Variants in RALY observed in about 807,000 individuals in gnomAD.
The protein encoded by RALY is RALY heterogeneous nuclear ribonucleoprotein.
A neutral mutation model predicts 30.7 loss-of-function variants in RALY; 15 were observed. The ratio of observed to expected loss-of-function variants is 0.49; its 90% confidence interval spans 0.33 to 0.75. The LOEUF is 0.75. Among genes scored for constraint, RALY ranks in the 30% least tolerant of loss-of-function variants. The probability of loss-of-function intolerance (pLI) is 0.02; values close to 1 mark genes in which losing one functional copy is unlikely to be tolerated. For missense variants in RALY, 339 were observed against 414.3 expected (o/e 0.82, Z 1.58); for synonymous variants, 177 against 170.8 (o/e 1.04, Z -0.28).
intron 1 of RALY, among the ~76,000 whole-genome samples, chr20:34,012,756 C>T (rs2031455813): frequency 6.6e-6 from 1 of 152,360 alleles, no homozygotes; most frequent in African/African-American, 2.4e-5. Context: ...CTGGCCTTGG[C>T]CGCAAGGCTC....
chr20:34,076,157 G>A, intron 6 of RALY, 117 bp downstream of exon 6: 1 of 1,246,326 alleles, frequency 8.0e-7, no homozygotes, highest in Non-Finnish European at 1.1e-6. Context: ...CAGTTCTGCT[G>A]CTCTAACACA....
intron 1 of RALY, among the ~76,000 whole-genome samples, chr20:34,013,842 C>G (rs952099321): frequency 6.6e-6 from 1 of 152,092 alleles, no homozygotes; most frequent in African/African-American, 2.4e-5. Flanking sequence ...ATAGTACTTA[C>G]AAAATGAATG....
chr20:34,009,970 A>G (rs1384701223), intron 1 of RALY, among the ~76,000 whole-genome samples: 1 of 152,126 alleles, frequency 6.6e-6, no homozygotes, highest in Non-Finnish European at 1.5e-5. Context: ...GTGCTGGTGA[A>G]TCCCCTGCGA....
intron 3 of RALY, among the ~76,000 whole-genome samples, chr20:34,072,972 A>G (rs1188849609): frequency 6.6e-6 from 1 of 151,184 alleles, no homozygotes; most frequent in East Asian, 1.9e-4. Flanking sequence ...GAGAGAGAAC[A>G]TATTTGAATG....
In RALY at chr20:34,077,063, GGCGGCGGCGGTGGTGGTGGCA is replaced by G; in HGVS notation, c.699_719del (p.Gly237_Gly243del). 1.2e-6 allele frequency: 2 copies of G among 1,603,536 alleles called. No individual in the cohort carries two copies. The highest frequency in any genetic ancestry group is 1.7e-6 in the Non-Finnish European group (2 of 1,175,112). ...GAAGGGTGATGGAGGTGGCGCCGGC[GGCGGCGGCGGTGGTGGTGGCA>G]GCGGTGGCGGTGGCAGTGGTGGTGG... is the stretch of plus-strand genomic sequence containing the variant. On this transcript the variant is annotated inframe_deletion, in exon 8 of 10. Transcript: ENST00000246194.
chr20:34,043,417 T>C (rs2032769400), intron 2 of RALY, among the ~76,000 whole-genome samples: 1 of 152,256 alleles, frequency 6.6e-6, no homozygotes, highest in Admixed American at 6.5e-5. Context: ...ATCTTAATAA[T>C]CTGTCTCTGG....
rs183993850 is a variant in RALY, at chr20:34,057,125, T to C, written c.-9-14941T>C. Among the ~76,000 whole-genome samples, 48 of 152,302 alleles carry C rather than the reference T, an allele frequency of 3.2e-4. No individual in the cohort carries two copies. The East Asian group carries it at 8.9e-3, about 28-fold the overall frequency. ...AACTATGCGGCAGTAAGGACAAATA[T>C]GCTATAATATATATAATAAATGTGT... On this transcript the variant is annotated intron_variant, in intron 2 of 9. Transcript: ENST00000246194.
intron 1 of RALY, among the ~76,000 whole-genome samples, chr20:34,030,470 C>T (rs145079466): frequency 1.3e-5 from 2 of 152,300 alleles, no homozygotes; most frequent in Admixed American, 6.5e-5. Context: ...TCTTCTTCAC[C>T]ATCCTCACCC....
intron 1 of RALY, among the ~76,000 whole-genome samples, chr20:34,019,605 A>G (rs2031739212): frequency 6.6e-6 from 1 of 152,216 alleles, no homozygotes; most frequent in Non-Finnish European, 1.5e-5. Flanking sequence ...CAGTAGGCAG[A>G]CACTGGGTGC....
chr20:34,077,118 G>GTGGCGA lies in RALY; in HGVS notation c.753_754insGATGGC (p.Gly251_Ser252insAspGly), dbSNP rs2033912709. On this transcript the variant is annotated inframe_insertion, in exon 8 of 10. Transcript: ENST00000246194. ...GGTGGCAGTGGTGGTGGCGGTGGCG[G>GTGGCGA]TGGCAGCAGCCGGCCACCAGCCCCC... The GTGGCGA allele has an allele frequency of 6.2e-7, 1 of 1,606,348 alleles. No homozygotes were observed. Among genetic ancestry groups the GTGGCGA allele is most frequent in the African/African-American group, 1.3e-5 (1 of 74,834 alleles).
intron 2 of RALY, among the ~76,000 whole-genome samples, chr20:34,038,801 A>G (rs1327931813): frequency 6.6e-6 from 1 of 152,188 alleles, no homozygotes; most frequent in Non-Finnish European, 1.5e-5. Context: ...GGGAATAATA[A>G]TGCCTACTTT....
chr20:34,016,295 G>A (rs1475222168), intron 1 of RALY, among the ~76,000 whole-genome samples: 2 of 152,206 alleles, frequency 1.3e-5, no homozygotes, highest in Non-Finnish European at 2.9e-5. Flanking sequence ...TTAGGAAGTT[G>A]GAACCATTTA....
At chr20:34,066,859 C>T (rs1036029448) in intron 2 of RALY, among the ~76,000 whole-genome samples, 1 of 152,286 alleles carries the variant, frequency 6.6e-6, no homozygotes, top group Non-Finnish European at 1.5e-5. Flanking sequence ...GAGATATAAA[C>T]TGGCTTTGTT....
At chr20:34,060,437 G>C (rs1202535171) in intron 2 of RALY, among the ~76,000 whole-genome samples, 1 of 152,142 alleles carries the variant, frequency 6.6e-6, no homozygotes, top group Non-Finnish European at 1.5e-5. Flanking sequence ...CCAAGCATTT[G>C]GATAAGGAAT....
intron 2 of RALY, among the ~76,000 whole-genome samples, chr20:34,070,374 T>C (rs1410560888): frequency 1.3e-5 from 2 of 152,106 alleles, no homozygotes; most frequent in African/African-American, 2.4e-5. Flanking sequence ...TCCCCTTTCC[T>C]CTTGGAGCCT....
At chr20:34,049,400 G>C (rs2033000710) in intron 2 of RALY, among the ~76,000 whole-genome samples, 1 of 152,140 alleles carries the variant, frequency 6.6e-6, no homozygotes, top group African/African-American at 2.4e-5. Flanking sequence ...GTACAAAAAT[G>C]TGTAAGATGT....
chr20:34,010,709 T>A lies in RALY; in HGVS notation c.-93+16578T>A, dbSNP rs6059624. ...GTAAGTGTTAGGAACTCAAAAAGCG[T>A]AGTAAGCTAAGTTCTTGTGATGCTA... is the stretch of plus-strand genomic sequence containing the variant. On this transcript the variant is annotated intron_variant, in intron 1 of 9. Transcript: ENST00000246194. 8.1e-3 allele frequency among the ~76,000 whole-genome samples: 1,232 copies of A among 152,276 alleles called. 18 individuals carry two copies. Among genetic ancestry groups the A allele is most frequent in the African/African-American group, 0.027 (1,121 of 41,550 alleles).
At chr20:34,029,109 T>C (rs1387691026) in intron 1 of RALY, among the ~76,000 whole-genome samples, 2 of 152,048 alleles carry the variant, frequency 1.3e-5, no homozygotes, top group Non-Finnish European at 2.9e-5. Context: ...TCAGTAAGTT[T>C]CAAGAAATAT....
intron 5 of RALY, among the ~76,000 whole-genome samples, chr20:34,075,156 C>G (rs2033838888): frequency 6.6e-6 from 1 of 152,038 alleles, no homozygotes; most frequent in Non-Finnish European, 1.5e-5. Context: ...GCTGCCCAAC[C>G]TTGATACTCT....
Sources: allele counts gnomAD v4.1 joint callset (sites outside exome capture counted in the v4.1 genomes callset), GRCh38; gene constraint gnomAD v4.1.1; transcripts MANE v1.5; gene names NCBI Gene and HGNC (gene_info 2026-07-23, HGNC 2026-07-21).